LRMDA: variants seen among roughly 807,000 people sequenced by gnomAD.
The protein encoded by LRMDA is leucine-rich melanocyte differentiation-associated protein.
LRMDA carries 18 observed loss-of-function variants against 29.8 expected under a neutral mutation model. The ratio of observed to expected loss-of-function variants is 0.60; its 90% CI spans 0.42 to 0.90. LRMDA has a LOEUF of 0.90. LRMDA is among the 40% of genes least tolerant of loss of function. The pLI is 0.00. For synonymous variants in LRMDA, 125 were observed against 109.4 expected (o/e 1.14, Z -0.89); for missense variants, 273 against 273.9 (o/e 1.00, Z 0.02).
At chr10:75,536,924 A>G (rs1331312972) in intron 2 of LRMDA, among the ~76,000 whole-genome samples, 1 of 152,104 alleles carries the variant, frequency 6.6e-6, no homozygotes, top group Admixed American at 6.5e-5. Flanking sequence ...CTTTGAGGAC[A>G]AAAACAGTGT....
chr10:75,662,715 C>G (rs1841769672), intron 2 of LRMDA, among the ~76,000 whole-genome samples: 1 of 152,130 alleles, frequency 6.6e-6, no homozygotes, highest in South Asian at 2.1e-4. Context: ...TTTGGAGTCT[C>G]TTGTTGATTT....
rs534169543 is a variant in LRMDA at position 75,511,743 on chromosome 10, C to G, written c.131+73249C>G. On this transcript the variant is annotated intron_variant, in intron 2 of 6. Coordinates refer to ENST00000611255, the MANE Select transcript of LRMDA (RefSeq NM_001305581.2). ...AGCCAGATGGCTCAAGACACTTGGA[C>G]TGTTGTCTTTTTCTTCTGTTCCCTT... Among the ~76,000 whole-genome samples, 13 of 152,306 alleles carry G rather than the reference C, an allele frequency of 8.5e-5. No homozygotes were observed. In the East Asian group the frequency reaches 9.6e-4, roughly 11 times the overall value.
At chr10:75,485,988 A>C (rs1466878077) in intron 2 of LRMDA, among the ~76,000 whole-genome samples, 1 of 152,058 alleles carries the variant, frequency 6.6e-6, no homozygotes, top group African/African-American at 2.4e-5. Context: ...TAAGCATTTT[A>C]ACTCTTTCTT....
chr10:75,525,940 A>T (rs1438763885), intron 2 of LRMDA, among the ~76,000 whole-genome samples: 2 of 151,970 alleles, frequency 1.3e-5, no homozygotes, highest in African/African-American at 4.8e-5. Context: ...TATTAAAAAA[A>T]TTCCAATTTG....
chr10:75,602,356 T>G (rs1840898104), intron 2 of LRMDA, among the ~76,000 whole-genome samples: 1 of 152,170 alleles, frequency 6.6e-6, no homozygotes, highest in Non-Finnish European at 1.5e-5. Context: ...ACTTCAAATT[T>G]TCTGAGCTTG....
intron 3 of LRMDA, among the ~76,000 whole-genome samples, chr10:76,037,235 A>C (rs1848264426): frequency 6.6e-6 from 1 of 152,212 alleles, no homozygotes. Flanking sequence ...TCTGCATTCT[A>C]CTGTGTTGCT....
chr10:75,500,190 T>G lies in LRMDA; in HGVS notation c.131+61696T>G, dbSNP rs1432055828. Among the ~76,000 whole-genome samples the G allele has an allele frequency of 1.3e-5, 2 of 152,160 alleles. 1 individual carries two copies. The highest frequency in any genetic ancestry group is 4.1e-4 in the South Asian group (2 of 4,832). On this transcript the variant is annotated intron_variant, in intron 2 of 6. Transcript: ENST00000611255. Reference sequence around the variant, plus strand: ...CCCCTGTTGCTCCTTACAGGAGTCTTCCAGTGACACCCAGACCTTTCTGAA... The same window carrying G: ...CCCCTGTTGCTCCTTACAGGAGTCTGCCAGTGACACCCAGACCTTTCTGAA...
chr10:76,311,343 A>ATT lies in LRMDA; in HGVS notation c.517-13053_517-13052dup, dbSNP rs11446634. 2.4e-4 allele frequency among the ~76,000 whole-genome samples: 36 copies of ATT among 152,102 alleles called. 1 individual carries two copies. The South Asian group carries it at 3.1e-3, about 13-fold the overall frequency. On this transcript the variant is annotated intron_variant, in intron 5 of 6. Coordinates refer to ENST00000611255, the MANE Select transcript of LRMDA (RefSeq NM_001305581.2). ...TTAAATGAAATTTCCTGTGCTTTTA[A>ATT]TTTTTTCTAATATGAAGAGTCAATT... is the stretch of plus-strand genomic sequence containing the variant.
chr10:75,679,107 G>C (rs1385298092), intron 2 of LRMDA, among the ~76,000 whole-genome samples: 1 of 152,136 alleles, frequency 6.6e-6, no homozygotes, highest in Non-Finnish European at 1.5e-5. Context: ...AATCTGTTCT[G>C]TTTTTAGAAA....
chr10:75,722,527 T>A (rs1842580989), intron 2 of LRMDA, among the ~76,000 whole-genome samples: 1 of 152,106 alleles, frequency 6.6e-6, no homozygotes, highest in African/African-American at 2.4e-5. Flanking sequence ...CAGGTTAACA[T>A]GGGGGCACCA....
intron 5 of LRMDA, among the ~76,000 whole-genome samples, chr10:76,124,151 G>A (rs919763499): frequency 2.0e-5 from 3 of 152,070 alleles, no homozygotes; most frequent in South Asian, 2.1e-4. Flanking sequence ...TTCTGCCATC[G>A]GTATCAAGTA....
At chr10:75,531,119 C>T (rs781045295) in intron 2 of LRMDA, among the ~76,000 whole-genome samples, 7 of 152,252 alleles carry the variant, frequency 4.6e-5, no homozygotes, top group Middle Eastern at 3.4e-3. Context: ...AGGCACTGTG[C>T]TGGTCTCTAG....
intron 5 of LRMDA, among the ~76,000 whole-genome samples, chr10:76,085,871 C>T (rs1849125686): frequency 6.6e-6 from 1 of 152,204 alleles, no homozygotes; most frequent in Non-Finnish European, 1.5e-5. Context: ...TGAAGGATTT[C>T]ACCTGCAGAT....
intron 2 of LRMDA, among the ~76,000 whole-genome samples, chr10:75,531,581 G>C (rs190292140): frequency 6.6e-6 from 1 of 152,298 alleles, no homozygotes; most frequent in African/African-American, 2.4e-5. Flanking sequence ...GGTTGTAAGT[G>C]CCACAGGGGT....
chr10:76,473,669 T>C (rs887802192), intron 6 of LRMDA, among the ~76,000 whole-genome samples: 2 of 151,018 alleles, frequency 1.3e-5, no homozygotes, highest in African/African-American at 4.8e-5. Flanking sequence ...ATGAGTTCAG[T>C]AATGTTGCAG....
At chr10:76,007,059 C>T (rs1847684549) in intron 2 of LRMDA, among the ~76,000 whole-genome samples, 1 of 140,966 alleles carries the variant, frequency 7.1e-6, no homozygotes, top group South Asian at 2.2e-4. Context: ...TATTTATTTT[C>T]CGTCTCTCTG....
At chr10:76,050,727 C>T (rs1175189381) in intron 4 of LRMDA, among the ~76,000 whole-genome samples, 5 of 152,190 alleles carry the variant, frequency 3.3e-5, no homozygotes, top group Admixed American at 1.3e-4. Flanking sequence ...TGGATTTCAA[C>T]GCTAGCCAAA....
rs767284909 is a variant in LRMDA, at chr10:75,596,955, C to CT, written c.131+158476dup. Among the ~76,000 whole-genome samples, 927 of 144,076 alleles carry CT rather than the reference C, an allele frequency of 6.4e-3. 12 individuals carry two copies. Among genetic ancestry groups the CT allele is most frequent in the African/African-American group, 0.021 (827 of 38,820 alleles). The allele number at this position is 144,076 out of a possible 152,430, so 94.5% of individuals were successfully genotyped here. On this transcript the variant is annotated intron_variant, in intron 2 of 6. Transcript: ENST00000611255. ...AGGTTTTCTTTTTCTTTCTTTCTTTCTTTTTTTTTTTTTTTGTAAACTGCT... is the reference window on the plus strand; with the variant it reads ...AGGTTTTCTTTTTCTTTCTTTCTTTCTTTTTTTTTTTTTTTTGTAAACTGCT...
intron 5 of LRMDA, among the ~76,000 whole-genome samples, chr10:76,109,317 C>T (rs748149211): frequency 6.6e-6 from 1 of 152,236 alleles, no homozygotes; most frequent in African/African-American, 2.4e-5. Flanking sequence ...AATGTTCACT[C>T]TATCCCCAAG....
Sources: allele counts gnomAD v4.1 joint callset (sites outside exome capture counted in the v4.1 genomes callset), GRCh38; gene constraint gnomAD v4.1.1; transcripts MANE v1.5; gene names NCBI Gene and HGNC (gene_info 2026-07-23, HGNC 2026-07-21).